FMN1: variants seen among roughly 807,000 people sequenced by gnomAD.
FMN1 encodes the protein formin-1.
Under a neutral mutation model 132.4 loss-of-function variants are expected in FMN1, and 110 were observed. The observed-to-expected ratio is 0.83, with a 90% CI of 0.71 to 0.97. The LOEUF (loss-of-function observed/expected upper bound fraction) is 0.97, where lower values mean the gene tolerates loss of function less well. Among genes scored for constraint, FMN1 ranks in the 50% least tolerant of loss-of-function variants. FMN1 has a pLI of 0.00. For missense variants in FMN1, 1,792 were observed against 1,705.3 expected (o/e 1.05, Z -0.90); for synonymous variants, 722 against 651.7 (o/e 1.11, Z -1.64).
rs1171343964 is a variant in FMN1, at chr15:32,910,533, T to C, written c.3229A>G (p.Ile1077Val). 2 of 1,568,314 alleles carry C rather than the reference T, an allele frequency of 1.3e-6. No homozygotes were observed. Among genetic ancestry groups the C allele is most frequent in the Non-Finnish European group, 1.7e-6 (2 of 1,155,950 alleles). Residue 1077 changes from isoleucine (I) to valine (V), a missense_variant and splice_region_variant, in exon 11 of 21, where the codon ATT (isoleucine) becomes GTT (valine). By Grantham distance (29) the Ile-to-Val change is conservative (BLOSUM62 3). Around this residue, in one of 3 missense-constraint regions of FMN1, gnomAD observed 1,150 missense variants for 1,043.1 expected, o/e 1.10. Coordinates refer to ENST00000616417, the MANE Select transcript of FMN1 (RefSeq NM_001277313.2). ...ACCACGGAGTCATCCACATTGAAAA[T>C]GGCTGCCAAGCACCCAAAAAGAAAA... is the stretch of plus-strand genomic sequence containing the variant. Reference protein sequence around the residue: ...HLEMKDIQQAIFNVDDSVVDL... With the variant: ...HLEMKDIQQAVFNVDDSVVDL...
intron 6 of FMN1, among the ~76,000 whole-genome samples, chr15:33,037,925 C>T (rs2036259956): frequency 6.6e-6 from 1 of 152,132 alleles, no homozygotes; most frequent in Admixed American, 6.5e-5. Flanking sequence ...ATACTGATAC[C>T]TTAAAATAAA....
At chr15:32,987,958 A>AAAGT (rs1311350697) in intron 7 of FMN1, among the ~76,000 whole-genome samples, 1 of 151,988 alleles carries the variant, frequency 6.6e-6, no homozygotes, top group East Asian at 1.9e-4. Context: ...CTGGTGTTTT[A>AAAGT]AAGTTCTTTG....
chr15:32,917,800 A>C (rs7180268), intron 10 of FMN1, among the ~76,000 whole-genome samples: 9,615 of 152,260 alleles, frequency 0.063, 431 homozygotes, highest in Middle Eastern at 0.15. Flanking sequence ...TAACCAATTA[A>C]GAACAAACTA....
At chr15:32,804,186 A>C (rs1335500910) in intron 18 of FMN1, 95 bp downstream of exon 18, 3 of 885,078 alleles carry the variant, frequency 3.4e-6, no homozygotes, top group Non-Finnish European at 5.3e-6. Flanking sequence ...TGTTTTGGAG[A>C]TAGAACTGCA....
chr15:33,076,812 G>A (rs1055333389), intron 5 of FMN1, among the ~76,000 whole-genome samples: 1 of 152,086 alleles, frequency 6.6e-6, no homozygotes, highest in African/African-American at 2.4e-5. Context: ...ACATAGGAAG[G>A]GAGGCAAAAT....
At chr15:33,110,054 TA>T (rs961519593) in intron 4 of FMN1, among the ~76,000 whole-genome samples, 6 of 152,018 alleles carry the variant, frequency 3.9e-5, no homozygotes, top group Non-Finnish European at 7.4e-5. Context: ...GTATATTGAA[TA>T]AAATTTGGAG....
chr15:32,879,023 GT>G (rs1391756396), intron 16 of FMN1, among the ~76,000 whole-genome samples: 1 of 152,040 alleles, frequency 6.6e-6, no homozygotes, highest in African/African-American at 2.4e-5. Context: ...TCAAGTTTCA[GT>G]TTCCTCTCTC....
chr15:32,876,734 CT>C (rs1421887828), intron 16 of FMN1, among the ~76,000 whole-genome samples: 2 of 152,118 alleles, frequency 1.3e-5, no homozygotes, highest in African/African-American at 4.8e-5. Flanking sequence ...CTTTACTGAA[CT>C]TTAAAAATAC....
In FMN1 at chr15:32,830,321, C is replaced by T. The variant is rs971175011; in HGVS notation, c.3929-25989G>A. On this transcript the variant is annotated intron_variant, in intron 17 of 20. Coordinates refer to ENST00000616417, the MANE Select transcript of FMN1 (RefSeq NM_001277313.2). ...TCACCCCTATTGTAAGGGATAGTCA[C>T]TCCTGACTCATTGTCTTCTCTTCTT... 4.6e-5 allele frequency among the ~76,000 whole-genome samples: 7 copies of T among 152,178 alleles called. No homozygotes were observed. The East Asian group carries it at 9.6e-4, about 21-fold the overall frequency.
At chr15:32,960,403 T>G (rs2140564366) in intron 9 of FMN1, among the ~76,000 whole-genome samples, 1 of 152,236 alleles carries the variant, frequency 6.6e-6, no homozygotes, top group South Asian at 2.1e-4. Flanking sequence ...GATATTTGGG[T>G]GGGGTCACAG....
At chr15:32,895,866 G>A (rs997188464) in intron 15 of FMN1, among the ~76,000 whole-genome samples, 1 of 151,990 alleles carries the variant, frequency 6.6e-6, no homozygotes, top group Non-Finnish European at 1.5e-5. Context: ...TTTTAATTAG[G>A]AATTGAAGTT....
intron 17 of FMN1, among the ~76,000 whole-genome samples, chr15:32,804,956 T>C (rs1222390117): frequency 1.3e-5 from 2 of 152,208 alleles, no homozygotes; most frequent in African/African-American, 4.8e-5. Context: ...TTGTGAATAG[T>C]GCCACAATAA....
chr15:33,150,513 A>G, intron 4 of FMN1: 1 of 985,486 alleles, frequency 1.0e-6, no homozygotes, highest in Non-Finnish European at 1.2e-6. Flanking sequence ...TTAAGAAATT[A>G]CAAACCCAAC....
At chr15:32,875,335 A>G (rs959266130) in intron 16 of FMN1, among the ~76,000 whole-genome samples, 2 of 151,800 alleles carry the variant, frequency 1.3e-5, no homozygotes, top group Non-Finnish European at 2.9e-5. Flanking sequence ...CATCTACAGG[A>G]AAGTTCTAGA....
chr15:33,192,807 A>G (rs184265948), intron 2 of FMN1, among the ~76,000 whole-genome samples: 1 of 152,332 alleles, frequency 6.6e-6, no homozygotes, highest in East Asian at 1.9e-4. Context: ...GTTACTATAA[A>G]TTCCCCACTT....
chr15:32,957,298 CTTTTT>C (rs869111673), intron 9 of FMN1, among the ~76,000 whole-genome samples: 3 of 84,176 alleles, frequency 3.6e-5, no homozygotes, highest in African/African-American at 4.5e-5. Context: ...CAGAGCAGTT[CTTTTT>C]TTTTTTTTTT....
intron 17 of FMN1, among the ~76,000 whole-genome samples, chr15:32,846,760 G>GT (rs1311683442): frequency 2.6e-5 from 4 of 152,172 alleles, no homozygotes; most frequent in Non-Finnish European, 4.4e-5. Context: ...GCATGCACAC[G>GT]TATGTTTATT....
chr15:33,127,257 T>TCTCCC (rs1963177966), intron 4 of FMN1, among the ~76,000 whole-genome samples: 1 of 152,046 alleles, frequency 6.6e-6, no homozygotes, highest in Admixed American at 6.6e-5. Flanking sequence ...TAACCACAGA[T>TCTCCC]CTCCCTCCTT....
chr15:33,171,112 G>A (rs1033235558), intron 3 of FMN1, among the ~76,000 whole-genome samples: 10 of 152,146 alleles, frequency 6.6e-5, no homozygotes, highest in Non-Finnish European at 1.2e-4. Context: ...AAATAAGCCA[G>A]GCACAGAAAG....
Sources: gnomAD v4.1 joint callset for allele counts (sites outside exome capture counted in the v4.1 genomes callset) on GRCh38, gnomAD v4.1.1 for gene constraint, gnomAD v4.1.1 regional missense constraint, MANE v1.5 for transcripts, NCBI Gene and HGNC (gene_info 2026-07-23, HGNC 2026-07-21) for gene names.